Variants in DMD observed in about 807,000 individuals in gnomAD.
DMD encodes the protein mutant dystrophin.
DMD carries 63 observed loss-of-function variants against 330.1 expected under a neutral mutation model. The observed-to-expected ratio is 0.19, with a 90% CI of 0.16 to 0.24. The LOEUF (loss-of-function observed/expected upper bound fraction) is 0.24. Ranked by LOEUF, DMD falls within the 10% of genes least tolerant of loss-of-function variation. The probability of loss-of-function intolerance (pLI) is 1.00; values close to 1 mark genes in which losing one functional copy is unlikely to be tolerated. For synonymous variants in DMD, 1,223 were observed against 959.8 expected (o/e 1.27, Z -5.07); for missense variants, 3,344 against 2,684.1 (o/e 1.25, Z -5.43).
chrX:33,033,569 A>AAAAAAAAAAAAAAAAAAAAAAAG (rs1170290111), intron 1 of DMD, among the ~76,000 whole-genome samples: 1 of 105,809 alleles, frequency 9.5e-6, no homozygotes, highest in Non-Finnish European at 1.9e-5. Context: ...AAAAAAAAAA[A>AAAAAAAAAAAAAAAAAAAAAAAG]CTAGCCGGGC....
intron 1 of DMD, among the ~76,000 whole-genome samples, chrX:33,281,210 ATT>A (rs139177044): frequency 7.6e-5 from 7 of 92,058 alleles, no homozygotes; most frequent in African/African-American, 2.8e-4. Context: ...ATGCTATTGC[ATT>A]TTTTTTTTTT....
rs138399787 is a variant in DMD, at chrX:31,507,363, C to T, written c.8308G>A (p.Asp2770Asn). ...CGTCTTTGTAACAGGACTGCATCAT[C>T]GGAACCTTCCAGGGATCTCAGGATT... ...QKILRSLEGS[D>N]DAVLLQRRLD... Residue 2770 changes from aspartate (D) to asparagine (N), a missense_variant, in exon 56 of 79, where the codon GAT (aspartate) becomes AAT (asparagine). Physicochemically the swap from Asp to Asn is conservative, Grantham distance 23. Coordinates refer to ENST00000357033, the MANE Select transcript of DMD (RefSeq NM_004006.3). 180 of 1,209,738 alleles carry T rather than the reference C, an allele frequency of 1.5e-4. No homozygotes were observed. In the African/African-American group the frequency reaches 2.3e-3, roughly 15 times the overall value.
intron 29 of DMD, among the ~76,000 whole-genome samples, chrX:32,419,074 T>C (rs1270799635): frequency 9.1e-6 from 1 of 109,829 alleles, no homozygotes; most frequent in Admixed American, 9.8e-5. Context: ...GAACACTTTA[T>C]TTTCCATAAT....
At chrX:31,310,819 T>C (rs1265366179) in intron 62 of DMD, among the ~76,000 whole-genome samples, 4 of 108,857 alleles carry the variant, frequency 3.7e-5, no homozygotes, top group Non-Finnish European at 7.6e-5. Context: ...CCCCCCAAAG[T>C]GCTGGGATTA....
chrX:32,393,505 G>A (rs754293866), intron 30 of DMD, among the ~76,000 whole-genome samples: 4 of 111,679 alleles, frequency 3.6e-5, no homozygotes, highest in Admixed American at 9.5e-5. Flanking sequence ...TATTTGATCC[G>A]ATAACTAAGG....
chrX:32,634,083 C>A (rs1243381293), intron 11 of DMD, among the ~76,000 whole-genome samples: 1 of 111,566 alleles, frequency 9.0e-6, no homozygotes, highest in African/African-American at 3.3e-5. Flanking sequence ...AAGATAAAGT[C>A]CTTCCCTCTC....
At chrX:31,514,785 T>A (rs2072019614) in intron 55 of DMD, among the ~76,000 whole-genome samples, 1 of 111,525 alleles carries the variant, frequency 9.0e-6, no homozygotes, top group Non-Finnish European at 1.9e-5. Context: ...CCTTGAGGGA[T>A]GTATACGATT....
chrX:32,935,225 A>G (rs190948795), intron 2 of DMD, among the ~76,000 whole-genome samples: 4 of 112,594 alleles, frequency 3.6e-5, no homozygotes, highest in South Asian at 3.6e-4. Flanking sequence ...TGATCCGCCC[A>G]TCTCGGCCTC....
At chrX:31,158,370 C>T (rs187046006) in intron 74 of DMD, among the ~76,000 whole-genome samples, 137 of 112,025 alleles carry the variant, frequency 1.2e-3, no homozygotes, top group African/African-American at 4.2e-3. Flanking sequence ...TGTATTATTT[C>T]ATTTACATTA....
chrX:32,714,739 C>T (rs1261317662), intron 7 of DMD, among the ~76,000 whole-genome samples: 1 of 111,389 alleles, frequency 9.0e-6, no homozygotes, highest in African/African-American at 3.3e-5. Flanking sequence ...CTTTAAACTT[C>T]CTATAAAAAA....
chrX:32,708,285 G>GT (rs11382915), intron 7 of DMD, among the ~76,000 whole-genome samples: 8,408 of 99,987 alleles, frequency 0.084, 726 homozygotes, highest in African/African-American at 0.26. Flanking sequence ...AAATGATCAG[G>GT]TTTTTTTTTT....
At chrX:32,731,619 C>A (rs148837776) in intron 7 of DMD, among the ~76,000 whole-genome samples, 1 of 112,159 alleles carries the variant, frequency 8.9e-6, no homozygotes, top group African/African-American at 3.2e-5. Context: ...CCCCCGAGCA[C>A]CCTAACTGGG....
At chrX:31,698,592 G>C (rs1442459278) in intron 52 of DMD, among the ~76,000 whole-genome samples, 1 of 112,114 alleles carries the variant, frequency 8.9e-6, no homozygotes, top group Non-Finnish European at 1.9e-5. Context: ...CATTTAAACA[G>C]GGTTCTGTGG....
intron 1 of DMD, among the ~76,000 whole-genome samples, chrX:33,163,571 T>TA (rs2148670501): frequency 9.5e-6 from 1 of 105,386 alleles, no homozygotes; most frequent in African/African-American, 3.4e-5. Context: ...TATATATATA[T>TA]ATATGTATAT....
chrX:32,583,582 T>C (rs2053898978), intron 13 of DMD: 1 of 111,976 alleles, frequency 8.9e-6, no homozygotes, highest in Admixed American at 9.5e-5. Context: ...GACAGGCAAG[T>C]AGAGAAATAA....
At chrX:31,778,992 C>T (rs777834383) in intron 50 of DMD, among the ~76,000 whole-genome samples, 4 of 111,838 alleles carry the variant, frequency 3.6e-5, no homozygotes, top group African/African-American at 1.3e-4. Context: ...GAAATATATG[C>T]AAATCACCTT....
At chrX:32,123,762 A>G (rs749112002) in intron 44 of DMD, among the ~76,000 whole-genome samples, 2 of 112,079 alleles carry the variant, frequency 1.8e-5, no homozygotes, top group African/African-American at 6.5e-5. Flanking sequence ...GTCATAGATT[A>G]GAAGTAGTAA....
chrX:33,334,786 A>C (rs1006600157), intron 1 of DMD, among the ~76,000 whole-genome samples: 8 of 111,234 alleles, frequency 7.2e-5, no homozygotes, highest in African/African-American at 2.0e-4. Context: ...GTCTAAAAAA[A>C]AGAACATGTT....
intron 76 of DMD, among the ~76,000 whole-genome samples, chrX:31,139,154 A>G (rs896675564): frequency 9.0e-6 from 1 of 111,584 alleles, no homozygotes; most frequent in Non-Finnish European, 1.9e-5. Flanking sequence ...TTCCACAAAC[A>G]TGCATAAATA....
Sources: allele counts gnomAD v4.1 joint callset (sites outside exome capture counted in the v4.1 genomes callset), GRCh38; gene constraint gnomAD v4.1.1; transcripts MANE v1.5; gene names NCBI Gene and HGNC (gene_info 2026-07-23, HGNC 2026-07-21).